LIG1: variants seen among roughly 807,000 people sequenced by gnomAD.
LIG1 encodes DNA ligase 1.
In LIG1, 70 loss-of-function variants were observed where a neutral mutation model predicts 115.7. The ratio of observed to expected loss-of-function variants is 0.60; its 90% CI spans 0.50 to 0.74. LIG1 has a LOEUF of 0.74. Among genes scored for constraint, LIG1 ranks in the 30% least tolerant of loss-of-function variants. The pLI, the probability that LIG1 is intolerant of heterozygous loss-of-function variation, is 0.00. For missense variants in LIG1, 1,115 were observed against 1,225.6 expected, an observed-to-expected ratio of 0.91 and a Z score of 1.35; for synonymous variants, 487 against 495.3, an observed-to-expected ratio of 0.98 and a Z score of 0.22.
chr19:48,123,326 G>C lies in LIG1; in HGVS notation c.2005-8C>G, dbSNP rs763364446. 6.2e-7 allele frequency: 1 copy of C among 1,612,524 alleles called. No homozygotes were observed. The highest frequency in any genetic ancestry group is 1.3e-5 in the African/African-American group (1 of 74,928). On this transcript the variant is annotated splice_region_variant and splice_polypyrimidine_tract_variant and intron_variant, in intron 21 of 27. Transcript: ENST00000263274. ...GGGCTCACGTACCAGGGACTGCAGG[G>C]CCGGCAGGGAGAAGAGAGATGAGAC... is the stretch of plus-strand genomic sequence containing the variant.
intron 4 of LIG1, among the ~76,000 whole-genome samples, chr19:48,157,907 A>G (rs1369863149): frequency 2.0e-5 from 3 of 152,134 alleles, no homozygotes; most frequent in African/African-American, 4.8e-5. Flanking sequence ...TTGGTCTCCA[A>G]TGTTGGAGGT....
intron 20 of LIG1, chr19:48,127,677 T>C (rs1238654782): frequency 3.2e-6 from 2 of 622,166 alleles, no homozygotes; most frequent in African/African-American, 1.8e-5. Context: ...AGATCTTCTT[T>C]CATAGTAAAA....
In LIG1 at chr19:48,144,863, C is replaced by T. The variant is rs1458332681; in HGVS notation, c.777-900G>A. ...GGAAACTGGGGCACAGAGTGATTAA[C>T]TCACCCATGGCCACACAGCTGGTAA... On this transcript the variant is annotated intron_variant, in intron 9 of 27. Coordinates refer to ENST00000263274, the MANE Select transcript of LIG1 (RefSeq NM_000234.3). 5.9e-5 allele frequency among the ~76,000 whole-genome samples: 9 copies of T among 152,114 alleles called. 1 individual carries two copies. Among genetic ancestry groups the T allele is most frequent in the Admixed American group, 5.9e-4 (9 of 15,282 alleles).
intron 19 of LIG1, among the ~76,000 whole-genome samples, chr19:48,128,821 G>A (rs2033839215): frequency 6.6e-6 from 1 of 152,218 alleles, no homozygotes; most frequent in African/African-American, 2.4e-5. Flanking sequence ...GCAGTGCAGT[G>A]GTGCGATCTT....
chr19:48,134,983 G>A (rs896724244), intron 16 of LIG1, among the ~76,000 whole-genome samples: 9 of 152,224 alleles, frequency 5.9e-5, no homozygotes, highest in African/African-American at 2.2e-4. Context: ...TCTCTCTGGA[G>A]CCCTCGTGGC....
chr19:48,156,718 G>A lies in LIG1; in HGVS notation c.370+296C>T, dbSNP rs540234967. Among the ~76,000 whole-genome samples, 17 of 152,064 alleles carry A rather than the reference G, an allele frequency of 1.1e-4. No homozygotes were observed. The East Asian group carries it at 1.6e-3, about 14-fold the overall frequency. On this transcript the variant is annotated intron_variant, in intron 5 of 27. Transcript: ENST00000263274. The stretch of plus-strand genomic sequence containing the variant: ...AGCACTTTGGGAGGCTGAGGCAGGC[G>A]GATCACGAGGTCAGGAGTTTGAGAC...
intron 6 of LIG1, 100 bp from the exon 7 acceptor site, chr19:48,151,439 T>C: frequency 1.3e-6 from 1 of 778,476 alleles, no homozygotes; most frequent in Non-Finnish European, 2.3e-6. Context: ...TCATCTGTTC[T>C]TTTTTTTGAG....
intron 26 of LIG1, among the ~76,000 whole-genome samples, chr19:48,116,712 T>G (rs2032864459): frequency 6.6e-6 from 1 of 152,164 alleles, no homozygotes; most frequent in Non-Finnish European, 1.5e-5. Flanking sequence ...TGTCTATGAG[T>G]GACACGCTGA....
chr19:48,117,112 G>A lies in LIG1; in HGVS notation c.2583+526C>T, dbSNP rs528007049. 5.7e-4 allele frequency among the ~76,000 whole-genome samples: 86 copies of A among 151,906 alleles called. 1 individual carries two copies. The South Asian group carries it at 0.012, about 21-fold the overall frequency. ...GCCTCCCAAAGTGCTGGGATTACAGGCATGAGCCACTGTGCTTGCCCTGGG... is the reference window on the plus strand; with the variant it reads ...GCCTCCCAAAGTGCTGGGATTACAGACATGAGCCACTGTGCTTGCCCTGGG... On this transcript the variant is annotated intron_variant, in intron 26 of 27. Transcript: ENST00000263274.
chr19:48,145,377 T>C (rs1157089439), intron 9 of LIG1, among the ~76,000 whole-genome samples: 1 of 152,082 alleles, frequency 6.6e-6, no homozygotes, highest in Admixed American at 6.5e-5. Context: ...CTATGACAGG[T>C]TGTCCTGAAG....
intron 8 of LIG1, 53 bp downstream of exon 8, chr19:48,150,035 C>T: frequency 3.7e-6 from 6 of 1,612,692 alleles, no homozygotes; most frequent in Non-Finnish European, 5.1e-6. Context: ...GAGAGGCTCA[C>T]CAGCCTCCTG....
intron 15 of LIG1, 85 bp downstream of exon 15, chr19:48,135,949 G>A: frequency 1.8e-6 from 2 of 1,120,748 alleles, no homozygotes; most frequent in Middle Eastern, 2.9e-4. Context: ...CGCTGGGGAA[G>A]GGGCGGGCAT....
chr19:48,143,868 A>G lies in LIG1; in HGVS notation c.857+15T>C, dbSNP rs2034945032. The G allele has an allele frequency of 1.9e-6, 3 of 1,604,712 alleles. No individual in the cohort carries two copies. Among genetic ancestry groups the G allele is most frequent in the South Asian group, 2.2e-5 (2 of 90,894 alleles). ...GGGACCGGAGGGGGACAGTCTGAAA[A>G]GGGAGAAACCTCACTTCTGGCCCGG... On this transcript the variant is annotated intron_variant, in intron 10 of 27. Transcript: ENST00000263274.
rs2032951163 is a variant in LIG1, at chr19:48,117,656, G to A, written c.2565C>T (p.Tyr855=). 2.5e-6 allele frequency: 4 copies of A among 1,612,792 alleles called. No individual in the cohort carries two copies. The highest frequency in any genetic ancestry group is 3.4e-6 in the Non-Finnish European group (4 of 1,179,698). The change falls in exon 26 of 28, where the codon TAC becomes TAT. Residue 855 remains tyrosine, a synonymous_variant. Coordinates refer to ENST00000263274, the MANE Select transcript of LIG1 (RefSeq NM_000234.3). ...CACTCACCAGGCCCCGCGCAGCAGG[G>A]TAGATGGGAGAGAGGGAGAGGTCAG... ...KCADLSLSPI[Y]PAARGLVDSD... is the part of the protein sequence containing the mutation.
At chr19:48,135,309 G>A (rs2122596549) in intron 16 of LIG1, among the ~76,000 whole-genome samples, 1 of 152,222 alleles carries the variant, frequency 6.6e-6, no homozygotes, top group East Asian at 1.9e-4. Context: ...TTTTAGTAGA[G>A]ACAGGGTTTC....
intron 5 of LIG1, among the ~76,000 whole-genome samples, chr19:48,155,248 C>T (rs748400167): frequency 2.0e-4 from 31 of 152,256 alleles, no homozygotes; most frequent in Middle Eastern, 6.8e-3. Flanking sequence ...GGCTCCTTAG[C>T]TGGGAGTGCA....
intron 3 of LIG1, among the ~76,000 whole-genome samples, chr19:48,161,782 C>T (rs1309456576): frequency 1.3e-5 from 2 of 151,896 alleles, no homozygotes; most frequent in Non-Finnish European, 2.9e-5. Context: ...CAAATGGAGT[C>T]CCTGCCTAAG....
In LIG1 at chr19:48,119,192, T is replaced by G; in HGVS notation, c.2386-2A>C. On this transcript the variant is annotated splice_acceptor_variant, in intron 24 of 27. Transcript: ENST00000263274. LOFTEE classifies it high-confidence loss of function. ...CTCATCACTGAAGCCAGTTCCAAGC[T>G]GCAGGGAGGAAGCGGGAGGTCAGAG... The G allele has an allele frequency of 3.2e-6, 5 of 1,583,380 alleles. No individual in the cohort carries two copies. The highest frequency in any genetic ancestry group is 4.3e-6 in the Non-Finnish European group (5 of 1,164,776).
intron 6 of LIG1, 138 bp downstream of exon 6, chr19:48,153,734 G>T (rs2035635689): frequency 1.7e-6 from 1 of 585,766 alleles, no homozygotes. Flanking sequence ...CCTTCCTCTT[G>T]GCTTCACACA....
Sources: allele counts gnomAD v4.1 joint callset (sites outside exome capture counted in the v4.1 genomes callset), GRCh38; gene constraint gnomAD v4.1.1; transcripts MANE v1.5; gene names NCBI Gene and HGNC (gene_info 2026-07-23, HGNC 2026-07-21).